The following PCDHGA5 variants were observed in gnomAD, a reference collection of about 807,000 sequenced individuals.
PCDHGA5 encodes protocadherin gamma-A5.
A neutral mutation model predicts 56.7 loss-of-function variants in PCDHGA5; 36 were observed. The ratio of observed to expected loss-of-function variants is 0.64; its 90% CI spans 0.49 to 0.84. PCDHGA5 has a LOEUF of 0.84. Among genes scored for constraint, PCDHGA5 ranks in the 40% least tolerant of loss-of-function variants. The pLI, the probability that PCDHGA5 is intolerant of heterozygous loss-of-function variation, is 0.00. For synonymous variants in PCDHGA5, 563 were observed against 520.2 expected, an observed-to-expected ratio of 1.08 and a Z score of -1.12; for missense variants, 1,305 against 1,201.5, an observed-to-expected ratio of 1.09 and a Z score of -1.27.
chr5:141,463,176 C>CA (rs2099054640), intron 1 of PCDHGA5, among the ~76,000 whole-genome samples: 1 of 152,100 alleles, frequency 6.6e-6, no homozygotes, highest in African/African-American at 2.4e-5. Flanking sequence ...TATGTATGCT[C>CA]AGATTATTAT....
intron 1 of PCDHGA5, among the ~76,000 whole-genome samples, chr5:141,469,599 A>G (rs2099206392): frequency 6.6e-6 from 1 of 152,192 alleles, no homozygotes; most frequent in Non-Finnish European, 1.5e-5. Flanking sequence ...ATAAAACAAA[A>G]TAAGTAAAAT....
At chr5:141,488,738 ATGCAGGAAGT>A (rs771423337) in intron 1 of PCDHGA5, among the ~76,000 whole-genome samples, 1 of 152,222 alleles carries the variant, frequency 6.6e-6, no homozygotes, top group Non-Finnish European at 1.5e-5. Flanking sequence ...TTCTGAAGTC[ATGCAGGAAGT>A]TGCTGGGACA....
At chr5:141,386,950 A>C (rs538175836) in intron 1 of PCDHGA5, among the ~76,000 whole-genome samples, 7 of 152,364 alleles carry the variant, frequency 4.6e-5, no homozygotes, top group Non-Finnish European at 8.8e-5. Context: ...GCAGTGCTTC[A>C]GTGCAGCAGA....
chr5:141,408,311 A>C (rs1467917610), intron 1 of PCDHGA5: 1 of 1,613,650 alleles, frequency 6.2e-7, no homozygotes, highest in African/African-American at 1.3e-5. Context: ...CCGCTACTCG[A>C]TTCCGGAGGA....
intron 2 of PCDHGA5, among the ~76,000 whole-genome samples, chr5:141,499,022 A>C (rs1244590420): frequency 2.7e-5 from 4 of 150,722 alleles, no homozygotes; most frequent in Admixed American, 2.0e-4. Context: ...GGAAGGAAGG[A>C]AGGAAGAAAA....
intron 1 of PCDHGA5, chr5:141,385,185 C>T: frequency 1.2e-6 from 2 of 1,614,214 alleles, no homozygotes; most frequent in African/African-American, 1.3e-5. Context: ...TCACCGCGGA[C>T]TCTCGGAAGA....
At chr5:141,413,086 A>T in intron 1 of PCDHGA5, 1 of 1,344,152 alleles carries the variant, frequency 7.4e-7, no homozygotes, top group Non-Finnish European at 1.0e-6. Flanking sequence ...GGCTACAGAG[A>T]CACCCTGAAG....
At chr5:141,421,464 T>C in intron 1 of PCDHGA5, 1 of 1,614,090 alleles carries the variant, frequency 6.2e-7, no homozygotes, top group Non-Finnish European at 8.5e-7. Flanking sequence ...TCGCTGTGAA[T>C]CCGCGAAGCG....
At chr5:141,424,726 T>C (rs1041673348) in intron 1 of PCDHGA5, 7 of 152,218 alleles carry the variant, frequency 4.6e-5, no homozygotes, top group African/African-American at 4.8e-5. Context: ...TTGGGAGTCA[T>C]AGATTCCTTC....
At chr5:141,395,135 C>A (rs2093181761) in intron 1 of PCDHGA5, 3 of 1,614,104 alleles carry the variant, frequency 1.9e-6, no homozygotes, top group Non-Finnish European at 2.5e-6. Flanking sequence ...CCCAGCCCAA[C>A]TACGCAGACA....
rs2099883697 is a variant in PCDHGA5, at chr5:141,511,284, G to T, written c.*111G>T. On this transcript the variant is annotated 3_prime_UTR_variant, in exon 4 of 4. Coordinates refer to ENST00000518069, the MANE Select transcript of PCDHGA5 (RefSeq NM_018918.3). ...AGGGCTAACCCCCAGAATACTGGTA[G>T]GGGCCAAGGCCATGCTCCCCTTGGG... 6.5e-7 allele frequency: 1 copy of T among 1,528,258 alleles called. No homozygotes were observed. Among genetic ancestry groups the T allele is most frequent in the African/African-American group, 1.4e-5 (1 of 72,674 alleles). 94.7% of individuals were successfully genotyped at this position (1,528,258 alleles called of 1,614,324 possible). A position where few individuals can be genotyped will look rare whatever the true frequency, so the allele number is the denominator to read the frequency against.
intron 1 of PCDHGA5, among the ~76,000 whole-genome samples, chr5:141,488,118 A>G (rs1054356891): frequency 2.7e-4 from 41 of 152,190 alleles, no homozygotes; most frequent in Non-Finnish European, 2.9e-5. Context: ...AAACATAGAG[A>G]CAGCAGAAAG....
Position 141,490,563 on chromosome 5 carries a change from G to C in PCDHGA5, c.2422-4244G>C. On this transcript the variant is annotated intron_variant, in intron 1 of 3. Coordinates refer to ENST00000518069, the MANE Select transcript of PCDHGA5 (RefSeq NM_018918.3). This position sits in a 1 kb window ranked among gnomAD's most constrained non-coding sequence, Gnocchi z 5.4. ...CCCTACACAAACATCTCACCATCAG[G>C]CTCAACATTTCAGATGTCAATGACA... 1 of 1,614,022 alleles carries C rather than the reference G, an allele frequency of 6.2e-7. No individual in the cohort carries two copies. Among genetic ancestry groups the C allele is most frequent in the Non-Finnish European group, 8.5e-7 (1 of 1,180,008 alleles).
At chr5:141,399,464 C>T (rs747827208) in intron 1 of PCDHGA5, 4 of 1,614,018 alleles carry the variant, frequency 2.5e-6, no homozygotes, top group South Asian at 1.1e-5. Flanking sequence ...GATAACGCTC[C>T]GGTTTTCCAC....
intron 1 of PCDHGA5, chr5:141,372,919 A>T (rs1404152823): frequency 9.8e-7 from 1 of 1,018,038 alleles, no homozygotes; most frequent in Admixed American, 3.0e-5. Context: ...TATTTTATTG[A>T]TTTTCTGGTG....
intron 1 of PCDHGA5, chr5:141,370,409 C>CG (rs775733785): frequency 1.3e-6 from 2 of 1,561,734 alleles, no homozygotes; most frequent in Non-Finnish European, 1.7e-6. Context: ...GAAATAGCTC[C>CG]GGATGGAGGG....
At chr5:141,375,611 G>T in intron 1 of PCDHGA5, 1 of 1,614,178 alleles carries the variant, frequency 6.2e-7, no homozygotes, top group Non-Finnish European at 8.5e-7. Flanking sequence ...CATCAACTCC[G>T]ACACTGGGAT....
chr5:141,464,680 A>T (rs747974832), intron 1 of PCDHGA5, among the ~76,000 whole-genome samples: 1 of 152,144 alleles, frequency 6.6e-6, no homozygotes, highest in African/African-American at 2.4e-5. Context: ...TTTTAATTAA[A>T]ATTTCTCTTA....
At position 141,431,031 on chromosome 5, in the gene PCDHGA5, A is replaced by C; in HGVS notation, c.2422-63776A>C. Reference sequence around the variant, plus strand: ...AGCTTGGTCACGGCGGGCAGGATAGACCGGGAGGAGCTCTGTATGGGGGCC... The same window carrying C: ...AGCTTGGTCACGGCGGGCAGGATAGCCCGGGAGGAGCTCTGTATGGGGGCC... On this transcript the variant is annotated intron_variant, in intron 1 of 3. Coordinates refer to ENST00000518069, the MANE Select transcript of PCDHGA5 (RefSeq NM_018918.3). This position sits in a 1 kb window ranked among gnomAD's most constrained non-coding sequence, Gnocchi z 4.8. 1 of 1,614,036 alleles carries C rather than the reference A, an allele frequency of 6.2e-7. No homozygotes were observed. The highest frequency in any genetic ancestry group is 8.5e-7 in the Non-Finnish European group (1 of 1,180,000).
Sources: gnomAD v4.1 joint callset for allele counts (sites outside exome capture counted in the v4.1 genomes callset) on GRCh38, gnomAD v4.1.1 for gene constraint, Gnocchi (gnomAD v3.1) non-coding constraint, MANE v1.5 for transcripts, NCBI Gene and HGNC (gene_info 2026-07-23, HGNC 2026-07-21) for gene names.